ZYG11B: variants seen among roughly 807,000 people sequenced by gnomAD.
ZYG11B encodes zyg-11 family member B, cell cycle regulator, also known as protein zyg-11 homolog B.
In ZYG11B, 36 loss-of-function variants were observed where a neutral mutation model predicts 82.4. The ratio of observed to expected loss-of-function variants is 0.44; its 90% CI spans 0.33 to 0.58. The LOEUF is 0.58. Among genes scored for constraint, ZYG11B ranks in the 20% least tolerant of loss-of-function variants. ZYG11B has a pLI of 0.02. For synonymous variants in ZYG11B, 303 were observed against 312.8 expected (o/e 0.97, Z 0.33); for missense variants, 552 against 895.6 (o/e 0.62, Z 4.90).
At chr1:52,726,718 C>T (rs1228364583) in intron 1 of ZYG11B, 35 bp downstream of exon 1, 4 of 1,459,450 alleles carry the variant, frequency 2.7e-6, no homozygotes, top group Non-Finnish European at 3.6e-6. Flanking sequence ...CCGCAGCCGC[C>T]CGCCACCCTA....
At chr1:52,798,559 C>T (rs929509469) in intron 8 of ZYG11B, among the ~76,000 whole-genome samples, 3 of 152,060 alleles carry the variant, frequency 2.0e-5, no homozygotes, top group Admixed American at 6.6e-5. Context: ...TGCAGTTAGC[C>T]GTGATGACGC....
chr1:52,815,509 G>C (rs1049750692), intron 12 of ZYG11B, among the ~76,000 whole-genome samples: 2 of 151,772 alleles, frequency 1.3e-5, no homozygotes, highest in Admixed American at 1.3e-4. Flanking sequence ...AGTCCAAGCT[G>C]CTTGGGAGGC....
At chr1:52,797,295 A>T (rs866572765) in intron 8 of ZYG11B, among the ~76,000 whole-genome samples, 1,855 of 89,618 alleles carry the variant, frequency 0.021, 73 homozygotes, top group African/African-American at 0.079. Flanking sequence ...TTATATATAA[A>T]ATATAATATA....
Position 52,760,605 on chromosome 1 carries a change from G to A in ZYG11B, c.196+3982G>A, listed in dbSNP as rs374273450. ...ATATTGGTAGCAGTCTTTTTTGTGT[G>A]TTAAAAAATTTTCTTTTTCTTCTTT... On this transcript the variant is annotated intron_variant, in intron 2 of 13. Transcript: ENST00000294353. Among the ~76,000 whole-genome samples, 276 of 152,074 alleles carry A rather than the reference G, an allele frequency of 1.8e-3. 2 individuals carry two copies. The highest frequency in any genetic ancestry group is 6.2e-3 in the African/African-American group (259 of 41,516).
intron 5 of ZYG11B, among the ~76,000 whole-genome samples, chr1:52,788,654 C>T (rs1189390198): frequency 1.3e-5 from 2 of 152,078 alleles, no homozygotes; most frequent in East Asian, 3.9e-4. Context: ...ACTTGAGTGC[C>T]AGGAGTTTGA....
chr1:52,729,960 A>G (rs72893437), intron 1 of ZYG11B, among the ~76,000 whole-genome samples: 2,970 of 152,138 alleles, frequency 0.02, 100 homozygotes, highest in African/African-American at 0.067. Context: ...GGTGCCCATC[A>G]TCACACCTGG....
chr1:52,790,247 T>A (rs1207262899), intron 6 of ZYG11B, among the ~76,000 whole-genome samples, 180 bp downstream of exon 6: 1 of 152,238 alleles, frequency 6.6e-6, no homozygotes, highest in Non-Finnish European at 1.5e-5. Context: ...ACATTCATGA[T>A]AGCAAATTGA....
intron 4 of ZYG11B, 151 bp downstream of exon 4, chr1:52,780,144 G>T: frequency 1.3e-6 from 1 of 757,648 alleles, no homozygotes; most frequent in Non-Finnish European, 2.1e-6. Flanking sequence ...AGCTATAAAC[G>T]AGAGAGAAGA....
At chr1:52,809,637 A>G (rs1432556061) in intron 10 of ZYG11B, among the ~76,000 whole-genome samples, 3 of 152,060 alleles carry the variant, frequency 2.0e-5, no homozygotes, top group Non-Finnish European at 4.4e-5. Flanking sequence ...TCCCACCAAC[A>G]GTGTCCAAGG....
At chr1:52,731,408 C>T (rs1055792016) in intron 1 of ZYG11B, among the ~76,000 whole-genome samples, 20 of 152,142 alleles carry the variant, frequency 1.3e-4, no homozygotes, top group Non-Finnish European at 1.5e-4. Context: ...CTCAGGGAAA[C>T]GCTGTCCAAA....
rs1419466299 is a variant in ZYG11B, at chr1:52,822,892, A to C, written c.*1263A>C. The C allele has an allele frequency of 6.6e-6, 1 of 152,196 alleles. No individual in the cohort carries two copies. Among genetic ancestry groups the C allele is most frequent in the Non-Finnish European group, 1.5e-5 (1 of 68,030 alleles). The allele number at this position is 152,196 out of a possible 1,614,324, so 9.4% of individuals were successfully genotyped here. ...CAAGTCACCAAGAAACTTAATTTTCATTTAAAATTTTATTTTGTGAATAAG... is the reference window on the plus strand; with the variant it reads ...CAAGTCACCAAGAAACTTAATTTTCCTTTAAAATTTTATTTTGTGAATAAG... On this transcript the variant is annotated 3_prime_UTR_variant, in exon 14 of 14. Transcript: ENST00000294353.
chr1:52,797,104 G>T (rs1172918806), intron 8 of ZYG11B, among the ~76,000 whole-genome samples: 90 of 45,870 alleles, frequency 2.0e-3, no homozygotes, highest in African/African-American at 0.013. Context: ...ATTACATATT[G>T]TATATATTTA....
chr1:52,729,214 T>A (rs12096727), intron 1 of ZYG11B, among the ~76,000 whole-genome samples: 9,546 of 152,174 alleles, frequency 0.063, 979 homozygotes, highest in African/African-American at 0.22. Context: ...AGGGCACTAA[T>A]CCCATTCATG....
chr1:52,816,512 C>A lies in ZYG11B; in HGVS notation c.1947-20C>A, dbSNP rs757708921. The stretch of plus-strand genomic sequence containing the variant: ...CTAAATATGGGATGTAACTTTGATT[C>A]TTTTCTTTTGAACCTTTAGGTCCTT... On this transcript the variant is annotated intron_variant, in intron 12 of 13. Coordinates refer to ENST00000294353, the MANE Select transcript of ZYG11B (RefSeq NM_024646.3). 6 of 1,544,502 alleles carry A rather than the reference C, an allele frequency of 3.9e-6. No individual in the cohort carries two copies. The South Asian group carries it at 4.7e-5, about 12-fold the overall frequency.
At chr1:52,764,817 C>T (rs1034573769) in intron 2 of ZYG11B, among the ~76,000 whole-genome samples, 2 of 152,070 alleles carry the variant, frequency 1.3e-5, no homozygotes, top group African/African-American at 4.8e-5. Flanking sequence ...AGTGGTGATA[C>T]TAGACTGAGA....
At chr1:52,791,904 A>G (rs530528149) in intron 6 of ZYG11B, among the ~76,000 whole-genome samples, 145 of 152,320 alleles carry the variant, frequency 9.5e-4, no homozygotes, top group Admixed American at 1.6e-3. Flanking sequence ...CCTAAAGATT[A>G]TATTCTACTC....
At chr1:52,790,326 T>C (rs1432988143) in intron 6 of ZYG11B, among the ~76,000 whole-genome samples, 2 of 152,184 alleles carry the variant, frequency 1.3e-5, no homozygotes, top group Non-Finnish European at 2.9e-5. Context: ...CCACATGATA[T>C]TGTAAGCTAT....
chr1:52,753,699 C>T (rs1340201053), intron 1 of ZYG11B, among the ~76,000 whole-genome samples: 1 of 152,040 alleles, frequency 6.6e-6, no homozygotes. Flanking sequence ...CGGGTGCAAG[C>T]GATTCTCCTG....
intron 3 of ZYG11B, among the ~76,000 whole-genome samples, chr1:52,779,212 T>G (rs918805820): frequency 6.6e-6 from 1 of 152,148 alleles, no homozygotes; most frequent in Admixed American, 6.6e-5. Flanking sequence ...CATACAGTTA[T>G]AACATTGTGA....
Sources: allele counts gnomAD v4.1 joint callset (sites outside exome capture counted in the v4.1 genomes callset), GRCh38; gene constraint gnomAD v4.1.1; transcripts MANE v1.5; gene names NCBI Gene and HGNC (gene_info 2026-07-23, HGNC 2026-07-21).